The following ATM variants were observed in gnomAD, a reference collection of about 807,000 sequenced individuals.
The protein encoded by ATM is ATM serine/threonine kinase.
ATM carries 308 observed loss-of-function variants against 387.0 expected under a neutral mutation model. The ratio of observed to expected loss-of-function variants is 0.80; its 90% CI spans 0.73 to 0.87. ATM has a LOEUF of 0.87. Among genes scored for constraint, ATM ranks in the 40% least tolerant of loss-of-function variants. The pLI is 0.00. For synonymous variants in ATM, 1,156 were observed against 1,187.3 expected (o/e 0.97, Z 0.54); for missense variants, 3,312 against 3,560.9 (o/e 0.93, Z 1.78).
At chr11:108,326,282 T>G (rs545583672) in intron 47 of ATM, 57 bp downstream of exon 47, 7 of 1,588,854 alleles carry the variant, frequency 4.4e-6, no homozygotes, top group African/African-American at 2.7e-5. Context: ...AAAACACAAA[T>G]GTACTTTAAA....
At chr11:108,300,277 C>T (rs1221506838) in intron 34 of ATM, among the ~76,000 whole-genome samples, 1 of 152,108 alleles carries the variant, frequency 6.6e-6, no homozygotes, top group Non-Finnish European at 1.5e-5. Context: ...TAAAATAAGT[C>T]GTAAAGCAGA....
intron 60 of ATM, 95 bp downstream of exon 60, chr11:108,353,975 A>C (rs1276807164): frequency 8.3e-7 from 1 of 1,200,588 alleles, no homozygotes; most frequent in Non-Finnish European, 1.2e-6. Flanking sequence ...CAGCTGCTCA[A>C]GAGGCTGAAG....
At chr11:108,342,359 A>G (rs1402486486) in intron 56 of ATM, among the ~76,000 whole-genome samples, 3 of 152,246 alleles carry the variant, frequency 2.0e-5, no homozygotes, top group Non-Finnish European at 4.4e-5. Flanking sequence ...GTAGAGTTAA[A>G]TATGCTCACA....
At chr11:108,231,219 TA>T (rs1436101458) in intron 4 of ATM, among the ~76,000 whole-genome samples, 2 of 152,220 alleles carry the variant, frequency 1.3e-5, no homozygotes, top group Non-Finnish European at 2.9e-5. Context: ...TTCCCATCTT[TA>T]ACTTGTACAA....
chr11:108,354,253 T>C (rs556348676), intron 60 of ATM, among the ~76,000 whole-genome samples: 1 of 152,312 alleles, frequency 6.6e-6, no homozygotes, highest in East Asian at 1.9e-4. Context: ...GTAACATACA[T>C]ACTGTTATTC....
intron 37 of ATM, among the ~76,000 whole-genome samples, chr11:108,306,711 G>A (rs1393011134): frequency 6.6e-6 from 1 of 152,176 alleles, no homozygotes; most frequent in South Asian, 2.1e-4. Flanking sequence ...TTTAAATGGT[G>A]TATCTTTTCT....
chr11:108,257,254 G>A (rs2080553410), intron 14 of ATM, among the ~76,000 whole-genome samples: 1 of 152,168 alleles, frequency 6.6e-6, no homozygotes, highest in Non-Finnish European at 1.5e-5. Context: ...TCTGTCACTG[G>A]TATGATTTGC....
chr11:108,272,511 G>T (rs1292911669), intron 20 of ATM, 21 bp from the exon 21 acceptor site: 2 of 1,583,848 alleles, frequency 1.3e-6, no homozygotes, highest in Non-Finnish European at 1.7e-6. Flanking sequence ...ATTTAACTTT[G>T]GAAAACTTAC....
rs558906761 is a variant in ATM at position 108,248,858 on chromosome 11, A to T, written c.1066-75A>T. 5 of 1,342,542 alleles carry T rather than the reference A, an allele frequency of 3.7e-6. No individual in the cohort carries two copies. The East Asian group carries it at 1.3e-4, about 34-fold the overall frequency. The allele number at this position is 1,342,542 out of a possible 1,614,324, so 83.2% of individuals were successfully genotyped here. A position where few individuals can be genotyped will look rare whatever the true frequency, so the allele number is the denominator to read the frequency against. On this transcript the variant is annotated intron_variant, in intron 8 of 62. Transcript: ENST00000675843. ...ATACGAGATCGTGCTGTTCCACTCC[A>T]ACCTGGGCAACAACAGCGAAACTCT...
In ATM at chr11:108,327,548, A is replaced by G. The variant is rs1591141012; in HGVS notation, c.6976-97A>G. 4.9e-6 allele frequency: 5 copies of G among 1,014,278 alleles called. No homozygotes were observed. In the South Asian group the frequency reaches 7.0e-5, roughly 14 times the overall value. The allele number at this position is 1,014,278 out of a possible 1,614,324, so 62.8% of individuals were successfully genotyped here. A position where few individuals can be genotyped will look rare whatever the true frequency, so the allele number is the denominator to read the frequency against. On this transcript the variant is annotated intron_variant, in intron 47 of 62. Coordinates refer to ENST00000675843, the MANE Select transcript of ATM (RefSeq NM_000051.4). ...TTTTTTTTTCCCACCCACCAAGGAA[A>G]AACATTTTTAACCTGCTTTTTTCCC... is the stretch of plus-strand genomic sequence containing the variant.
In ATM at chr11:108,299,790, A is replaced by G. The variant is rs778014234; in HGVS notation, c.5082A>G (p.Ala1694=). The G allele has an allele frequency of 2.5e-6, 4 of 1,614,080 alleles. No individual in the cohort carries two copies. The highest frequency in any genetic ancestry group is 3.4e-6 in the Non-Finnish European group (4 of 1,179,972). Residue 1694 remains alanine, a synonymous_variant, in exon 34 of 63, where the codon GCA becomes GCG. Transcript: ENST00000675843. The part of the protein sequence containing the change: ...STIAIQHSKD[A]SYTKALKLFE... ...TAGCTATACAACATAGTAAAGATGCATCTTATACCAAGGCCCTTAAGTTAT... is the reference window on the plus strand; with the variant it reads ...TAGCTATACAACATAGTAAAGATGCGTCTTATACCAAGGCCCTTAAGTTAT...
At chr11:108,357,276 G>C (rs1288655658) in intron 61 of ATM, among the ~76,000 whole-genome samples, 3 of 152,226 alleles carry the variant, frequency 2.0e-5, no homozygotes, top group Non-Finnish European at 2.9e-5. Flanking sequence ...ATATCCCGCA[G>C]CTGGCTTGGA....
At position 108,247,057 on chromosome 11, in the gene ATM, ATTC is replaced by A. The variant is rs753330963; in HGVS notation, c.999_1001del (p.Ser334del). On this transcript the variant is annotated inframe_deletion, in exon 8 of 63. Coordinates refer to ENST00000675843, the MANE Select transcript of ATM (RefSeq NM_000051.4). ...AGTCATATAGGAAGTAGAGGAAAGTATTCTTCAGGATTTCGTAATATTGCCGTC... is the reference window on the plus strand; with the variant it reads ...AGTCATATAGGAAGTAGAGGAAAGTATTCAGGATTTCGTAATATTGCCGTC... 1 of 1,613,904 alleles carries A rather than the reference ATTC, an allele frequency of 6.2e-7. No homozygotes were observed. Among genetic ancestry groups the A allele is most frequent in the Non-Finnish European group, 8.5e-7 (1 of 1,179,868 alleles).
At chr11:108,336,011 A>G in intron 56 of ATM, 50 bp downstream of exon 56, 1 of 1,448,532 alleles carries the variant, frequency 6.9e-7, no homozygotes, top group Non-Finnish European at 9.7e-7. Context: ...AAAAGATGCC[A>G]TTTGGTTGGG....
intron 61 of ATM, among the ~76,000 whole-genome samples, chr11:108,356,377 A>T (rs2089923277): frequency 6.6e-6 from 1 of 152,026 alleles, no homozygotes; most frequent in South Asian, 2.1e-4. Flanking sequence ...CTCTAATAAA[A>T]ATGCAAAAAT....
At chr11:108,340,678 T>C (rs2087442961) in intron 56 of ATM, among the ~76,000 whole-genome samples, 1 of 152,172 alleles carries the variant, frequency 6.6e-6, no homozygotes, top group African/African-American at 2.4e-5. Context: ...GAGTGATCCT[T>C]TTAAAATTGT....
intron 20 of ATM, among the ~76,000 whole-genome samples, chr11:108,272,063 T>C (rs2081613679): frequency 6.6e-6 from 1 of 152,076 alleles, no homozygotes; most frequent in Admixed American, 6.5e-5. Flanking sequence ...TTAGTAGAGA[T>C]GGGGTTTCAA....
chr11:108,237,715 G>A (rs2079348591), intron 5 of ATM, among the ~76,000 whole-genome samples: 1 of 152,162 alleles, frequency 6.6e-6, no homozygotes, highest in Non-Finnish European at 1.5e-5. Flanking sequence ...GAGAAGAATG[G>A]CCTAAGATTG....
chr11:108,289,877 T>C, intron 29 of ATM, 76 bp downstream of exon 29: 2 of 1,442,594 alleles, frequency 1.4e-6, no homozygotes, highest in East Asian at 2.4e-5. Context: ...TTGTTTTGTT[T>C]TGTTTTGAGA....
Sources: allele counts gnomAD v4.1 joint callset (sites outside exome capture counted in the v4.1 genomes callset), GRCh38; gene constraint gnomAD v4.1.1; transcripts MANE v1.5; gene names NCBI Gene and HGNC (gene_info 2026-07-23, HGNC 2026-07-21).